The following BLTP1 variants were observed in gnomAD, a reference collection of about 807,000 sequenced individuals.
The protein encoded by BLTP1 is fragile site-associated protein.
chr4:122,190,292 C>A, the BLTP1 span: 1 of 542,478 alleles, frequency 1.8e-6, no homozygotes. Flanking sequence ...GATGGTATTT[C>A]GCTATATTGC....
the BLTP1 span, chr4:122,353,665 T>A: frequency 1.2e-5 from 11 of 910,186 alleles, no homozygotes; most frequent in Non-Finnish European, 1.7e-5. This position sits in a 1 kb window ranked among gnomAD's most constrained non-coding sequence, Gnocchi z 4.3. Context: ...GAATTATTTG[T>A]GAATTATTTG....
chr4:122,277,716 A>T, the BLTP1 span: 1 of 983,424 alleles, frequency 1.0e-6, no homozygotes, highest in African/African-American at 1.7e-5. Context: ...TGCAAGTTAC[A>T]CTTCCTCCTT....
At chr4:122,360,130 T>A in the BLTP1 span, 1 of 804,730 alleles carries the variant, frequency 1.2e-6, no homozygotes, top group Non-Finnish European at 1.5e-6. Context: ...TATTTTAATT[T>A]CTTGCTGTAT....
At chr4:122,330,943 T>C in the BLTP1 span, 1 of 964,930 alleles carries the variant, frequency 1.0e-6, no homozygotes, top group Middle Eastern at 5.4e-4. Context: ...TCCGGCACCA[T>C]TTGTTAAAGA....
the BLTP1 span, among the ~76,000 whole-genome samples, chr4:122,214,841 G>A: frequency 6.6e-6 from 1 of 151,690 alleles, no homozygotes; most frequent in African/African-American, 2.4e-5. Context: ...CGAACTCCTA[G>A]GCTCAAGTGA....
the BLTP1 span, chr4:122,209,833 A>C: frequency 1.2e-6 from 2 of 1,613,412 alleles, no homozygotes; most frequent in Non-Finnish European, 8.5e-7. Flanking sequence ...GTTGGGTTGA[A>C]TGCTGGACTG....
chr4:122,239,799 T>G, the BLTP1 span: 2 of 1,614,182 alleles, frequency 1.2e-6, no homozygotes, highest in East Asian at 2.2e-5. Context: ...ATCAGCAGAC[T>G]CTAATTCATT....
the BLTP1 span, chr4:122,188,112 T>C: frequency 7.0e-7 from 1 of 1,429,344 alleles, no homozygotes; most frequent in Non-Finnish European, 9.2e-7. Flanking sequence ...ATAAAAATAA[T>C]AAAAAACTTC....
chr4:122,351,005 C>T, the BLTP1 span, among the ~76,000 whole-genome samples: 1 of 152,194 alleles, frequency 6.6e-6, no homozygotes, highest in Non-Finnish European at 1.5e-5. Flanking sequence ...AAAGTTCACT[C>T]TGGCTACTGT....
chr4:122,301,549 T>G, the BLTP1 span: 2 of 471,456 alleles, frequency 4.2e-6, no homozygotes, highest in East Asian at 7.1e-5. Context: ...TTAACAATAA[T>G]TATTTGAATA....
chr4:122,220,490 T>C, the BLTP1 span: 1 of 1,576,662 alleles, frequency 6.3e-7, no homozygotes, highest in South Asian at 1.1e-5. Flanking sequence ...AAATGAAATA[T>C]GGTGGAGACA....
chr4:122,341,997 G>A, the BLTP1 span, among the ~76,000 whole-genome samples: 1 of 152,194 alleles, frequency 6.6e-6, no homozygotes, highest in South Asian at 2.1e-4. Context: ...TGTGGAGACT[G>A]GCATAAGAAA....
chr4:122,294,995 C>T, the BLTP1 span, among the ~76,000 whole-genome samples: 1 of 151,946 alleles, frequency 6.6e-6, no homozygotes, highest in African/African-American at 2.4e-5. Flanking sequence ...GCACAATAGA[C>T]CAAGTGGAGG....
chr4:122,229,799 C>A, the BLTP1 span: 6 of 1,310,080 alleles, frequency 4.6e-6, no homozygotes, highest in South Asian at 2.4e-5. Flanking sequence ...TTTTTTATTT[C>A]TTTTTCCTTT....
the BLTP1 span, among the ~76,000 whole-genome samples, chr4:122,320,664 A>G: frequency 1.3e-5 from 2 of 152,048 alleles, no homozygotes; most frequent in African/African-American, 4.8e-5. Flanking sequence ...CTTTTAATCT[A>G]TGTGTCTTTA....
the BLTP1 span, chr4:122,318,328 A>G: frequency 1.5e-6 from 2 of 1,359,976 alleles, no homozygotes; most frequent in East Asian, 2.3e-5. Flanking sequence ...TTTTCCTATC[A>G]TATCTACTGC....
chr4:122,307,504 C>T, the BLTP1 span: 65 of 985,300 alleles, frequency 6.6e-5, no homozygotes, highest in Non-Finnish European at 7.2e-5. Flanking sequence ...TTCTGTTTAA[C>T]AAACTCAAAC....
the BLTP1 span, among the ~76,000 whole-genome samples, chr4:122,268,504 G>T: frequency 1.3e-5 from 2 of 151,724 alleles, no homozygotes; most frequent in Non-Finnish European, 2.9e-5. Flanking sequence ...CCTTTCTGTC[G>T]TGGCCACTTT....
chr4:122,256,510 C>T, the BLTP1 span, among the ~76,000 whole-genome samples: 13 of 152,076 alleles, frequency 8.5e-5, no homozygotes, highest in African/African-American at 2.4e-4. Context: ...AGAAAGTAAA[C>T]GGGGTGATTC....
Sources: allele counts gnomAD v4.1 joint callset (sites outside exome capture counted in the v4.1 genomes callset), GRCh38; gene constraint gnomAD v4.1.1; non-coding constraint Gnocchi (gnomAD v3.1); transcripts MANE v1.5; gene names NCBI Gene and HGNC (gene_info 2026-07-23, HGNC 2026-07-21).